PTPRD: variants seen among roughly 807,000 people sequenced by gnomAD.
PTPRD encodes protein tyrosine phosphatase receptor type D.
In PTPRD, 34 loss-of-function variants were observed where a neutral mutation model predicts 214.5. The ratio of observed to expected loss-of-function variants is 0.16; its 90% CI spans 0.12 to 0.21. The LOEUF (loss-of-function observed/expected upper bound fraction) is 0.21. PTPRD is among the 10% of genes least tolerant of loss of function. PTPRD has a pLI of 1.00. For synonymous variants in PTPRD, 1,128 were observed against 845.7 expected, an observed-to-expected ratio of 1.33 and a Z score of -5.79; for missense variants, 2,545 against 2,398.7, an observed-to-expected ratio of 1.06 and a Z score of -1.27.
chr9:8,999,819 A>G (rs1381842854), intron 11 of PTPRD, among the ~76,000 whole-genome samples: 2 of 152,004 alleles, frequency 1.3e-5, no homozygotes, highest in Non-Finnish European at 2.9e-5. Context: ...GTAGATTTCT[A>G]TTTTGATGAC....
chr9:9,534,404 G>A (rs7046062), intron 8 of PTPRD, among the ~76,000 whole-genome samples: 3 of 151,806 alleles, frequency 2.0e-5, no homozygotes, highest in South Asian at 2.1e-4. Context: ...AATCTCTCAC[G>A]CCCTTACATT....
chr9:9,413,863 A>G (rs961133876), intron 8 of PTPRD, among the ~76,000 whole-genome samples: 1 of 152,220 alleles, frequency 6.6e-6, no homozygotes, highest in Non-Finnish European at 1.5e-5. Context: ...AGGTGGTATT[A>G]TATTTCACAG....
chr9:9,818,381 A>T (rs1185180911), intron 5 of PTPRD, among the ~76,000 whole-genome samples: 1 of 152,082 alleles, frequency 6.6e-6, no homozygotes, highest in African/African-American at 2.4e-5. Flanking sequence ...CTGCTCATTA[A>T]CCAAGCTGGT....
At chr9:10,462,323 T>C (rs1226291916) in intron 2 of PTPRD, among the ~76,000 whole-genome samples, 2 of 152,142 alleles carry the variant, frequency 1.3e-5, no homozygotes, top group African/African-American at 4.8e-5. Flanking sequence ...TGTAGGAGTA[T>C]TTTATATAAT....
At chr9:8,325,157 C>T (rs1563926363) in intron 44 of PTPRD, among the ~76,000 whole-genome samples, 1 of 149,660 alleles carries the variant, frequency 6.7e-6, no homozygotes, top group Non-Finnish European at 1.5e-5. Context: ...GTGTTTTAGT[C>T]CTGAAGTCTT....
At chr9:10,087,923 T>C (rs1354319802) in intron 3 of PTPRD, among the ~76,000 whole-genome samples, 1 of 151,734 alleles carries the variant, frequency 6.6e-6, no homozygotes, top group Non-Finnish European at 1.5e-5. Context: ...TGCAGACTAC[T>C]AATACAGGGT....
chr9:8,948,387 G>C, intron 11 of PTPRD, among the ~76,000 whole-genome samples: 1 of 111,964 alleles, frequency 8.9e-6, no homozygotes, highest in Non-Finnish European at 1.7e-5. Context: ...GTTGTTATTG[G>C]TATGTCCATT....
At chr9:9,990,123 G>A (rs1295455733) in intron 4 of PTPRD, among the ~76,000 whole-genome samples, 1 of 152,148 alleles carries the variant, frequency 6.6e-6, no homozygotes, top group African/African-American at 2.4e-5. Flanking sequence ...CTCTTTCTAT[G>A]GATGAAAGGA....
intron 9 of PTPRD, among the ~76,000 whole-genome samples, chr9:9,234,601 C>A (rs2099965364): frequency 6.6e-6 from 1 of 152,148 alleles, no homozygotes; most frequent in Non-Finnish European, 1.5e-5. Flanking sequence ...TTCTCTTGAA[C>A]ACTTTGTCAC....
At chr9:9,204,379 C>T (rs1029348427) in intron 9 of PTPRD, among the ~76,000 whole-genome samples, 2 of 152,036 alleles carry the variant, frequency 1.3e-5, no homozygotes, top group Non-Finnish European at 2.9e-5. Context: ...AAATCAAGTT[C>T]ATAAATTAAT....
chr9:9,639,082 A>T (rs2095858185), intron 7 of PTPRD, among the ~76,000 whole-genome samples: 2 of 152,140 alleles, frequency 1.3e-5, no homozygotes, highest in African/African-American at 4.8e-5. Context: ...ACTAATTCAA[A>T]CCATAGCAAA....
rs564062113 is a variant in PTPRD, at chr9:9,937,152, C to G, written c.-368+1355G>C. The stretch of plus-strand genomic sequence containing the variant: ...ATGATGAGTTAATGGGTGCAGCGCA[C>G]CAGCATGGCACATGTATACATATGT... On this transcript the variant is annotated intron_variant, in intron 5 of 45. Coordinates refer to ENST00000381196, the MANE Select transcript of PTPRD (RefSeq NM_002839.4). Among the ~76,000 whole-genome samples the G allele has an allele frequency of 2.8e-3, 424 of 151,840 alleles. 2 individuals are homozygous for G. Among genetic ancestry groups the G allele is most frequent in the African/African-American group, 9.3e-3 (385 of 41,358 alleles).
chr9:8,534,180 A>C (rs997315622), intron 14 of PTPRD, among the ~76,000 whole-genome samples: 2 of 151,910 alleles, frequency 1.3e-5, no homozygotes, highest in Admixed American at 1.3e-4. Flanking sequence ...TGCTTCCTTC[A>C]TTTTACAGGA....
rs2098939107 is a variant in PTPRD, at chr9:8,929,910, T to TGTGTATATAC, written c.-104+88786_-104+88787insGTATATACAC. Among the ~76,000 whole-genome samples the TGTGTATATAC allele has an allele frequency of 9.2e-5, 4 of 43,390 alleles. No individual in the cohort carries two copies. In the Admixed American group the frequency reaches 1.5e-3, roughly 16 times the overall value. 28.5% of individuals were successfully genotyped at this position (43,390 alleles called of 152,430 possible). ...GTGTGTATATATATGTGTATATATATGTGTGTGTATATATATATGTGTATA... is the reference window on the plus strand; with the variant it reads ...GTGTGTATATATATGTGTATATATATGTGTATATACGTGTGTGTATATATATATGTGTATA... On this transcript the variant is annotated intron_variant, in intron 11 of 45. Transcript: ENST00000381196.
At chr9:9,539,101 C>T (rs535888145) in intron 8 of PTPRD, among the ~76,000 whole-genome samples, 2 of 151,832 alleles carry the variant, frequency 1.3e-5, no homozygotes, top group South Asian at 4.2e-4. Flanking sequence ...GAAAACAGTA[C>T]AGGGTGATGT....
chr9:8,818,018 C>G (rs1002743942), intron 11 of PTPRD, among the ~76,000 whole-genome samples: 2 of 152,146 alleles, frequency 1.3e-5, no homozygotes, highest in East Asian at 3.9e-4. Context: ...TTATAACTCA[C>G]GGCTTAGTGG....
intron 11 of PTPRD, among the ~76,000 whole-genome samples, chr9:8,838,066 A>C (rs532212259): frequency 3.2e-4 from 48 of 152,276 alleles, no homozygotes; most frequent in African/African-American, 1.2e-3. Context: ...GAAAGCACCA[A>C]AGAAAAATCT....
At chr9:8,537,247 G>T (rs377272917) in intron 14 of PTPRD, among the ~76,000 whole-genome samples, 1 of 151,806 alleles carries the variant, frequency 6.6e-6, no homozygotes, top group African/African-American at 2.4e-5. Context: ...GGCCATTATC[G>T]AAATGTTACG....
At chr9:9,129,736 C>T (rs2099839683) in intron 10 of PTPRD, among the ~76,000 whole-genome samples, 1 of 152,078 alleles carries the variant, frequency 6.6e-6, no homozygotes, top group African/African-American at 2.4e-5. Flanking sequence ...TATTATTTAA[C>T]TGGAATATAC....
Sources: allele counts gnomAD v4.1 joint callset (sites outside exome capture counted in the v4.1 genomes callset), GRCh38; gene constraint gnomAD v4.1.1; transcripts MANE v1.5; gene names NCBI Gene and HGNC (gene_info 2026-07-23, HGNC 2026-07-21).